The following DEFB121 variants were observed in gnomAD, a reference collection of about 807,000 sequenced individuals.
DEFB121 encodes beta-defensin 121.
A neutral mutation model predicts 2.5 loss-of-function variants in DEFB121; 5 were observed. The ratio of observed to expected loss-of-function variants is 1.96; its 90% CI spans 1.03 to 4.13. The LOEUF (loss-of-function observed/expected upper bound fraction) is 4.13. Ranked by LOEUF, DEFB121 falls within the 30% of genes most tolerant of loss-of-function variation. The pLI is 0.00. For synonymous variants in DEFB121, 39 were observed against 32.6 expected (o/e 1.20, Z -0.67); for missense variants, 87 against 85.0 (o/e 1.02, Z -0.09).
At chr20:31,417,988 C>T in the DEFB121 span, among the ~76,000 whole-genome samples, 3 of 150,504 alleles carry the variant, frequency 2.0e-5, no homozygotes, top group Non-Finnish European at 3.0e-5. Context: ...AGGCCGGGCG[C>T]GGTGGCTCAC....
upstream of DEFB121, among the ~76,000 whole-genome samples, chr20:31,406,635 A>G (rs1303699495): frequency 6.6e-6 from 1 of 152,178 alleles, no homozygotes; most frequent in African/African-American, 2.4e-5. Context: ...ATACCTTAAT[A>G]GCTCCATGGC....
In DEFB121 at chr20:31,405,080, T is replaced by C. The variant is rs756198944; in HGVS notation, c.64A>G (p.Lys22Glu). The C allele has an allele frequency of 1.3e-6, 2 of 1,593,446 alleles. No homozygotes were observed. Among genetic ancestry groups the C allele is most frequent in the Non-Finnish European group, 1.7e-6 (2 of 1,174,202 alleles). The part of the protein sequence containing the change: ...LLLAQVTPVM[K>E]CWGKSGRCRT... Reference sequence around the variant, plus strand: ...CACCTGCCTGACTTGCCCCAACATTTCATGACTGAAAACAAAAGGGAAGAA... The same window carrying C: ...CACCTGCCTGACTTGCCCCAACATTCCATGACTGAAAACAAAAGGGAAGAA... The change falls in exon 2 of 2, where the codon AAA becomes GAA. Residue 22 changes from lysine to glutamate, a missense_variant. Physicochemically the swap from Lys to Glu is moderately conservative, Grantham distance 56 (BLOSUM62 1). Transcript: ENST00000376314.
upstream of DEFB121, among the ~76,000 whole-genome samples, chr20:31,416,716 T>C (rs1425484015): frequency 6.6e-6 from 1 of 152,220 alleles, no homozygotes; most frequent in Non-Finnish European, 1.5e-5. Flanking sequence ...AGCCAGAATT[T>C]ACCTTTCTGT....
chr20:31,408,934 G>A (rs1978574741), upstream of DEFB121, among the ~76,000 whole-genome samples: 1 of 151,952 alleles, frequency 6.6e-6, no homozygotes, highest in South Asian at 2.1e-4. Context: ...GTTGAGGCAG[G>A]AGAATTGTTT....
At chr20:31,409,701 C>T (rs1353424646), upstream of DEFB121, among the ~76,000 whole-genome samples, 1 of 152,152 alleles carries the variant, frequency 6.6e-6, no homozygotes. Context: ...GAGCCAAGAT[C>T]ATGCCACTGC....
At chr20:31,410,822 ATG>A (rs1978639558), upstream of DEFB121, among the ~76,000 whole-genome samples, 6 of 100,344 alleles carry the variant, frequency 6.0e-5, no homozygotes, top group South Asian at 1.4e-3. Flanking sequence ...GCCTTGAAAA[ATG>A]AGAGAGAGAG....
At position 31,406,116 on chromosome 20, in the gene DEFB121, G is replaced by A. The variant is rs1381401263; in HGVS notation, c.37C>T (p.Leu13Phe). 6.2e-7 allele frequency: 1 copy of A among 1,614,050 alleles called. No individual in the cohort carries two copies. The highest frequency in any genetic ancestry group is 1.3e-5 in the African/African-American group (1 of 74,934). The change falls in exon 1 of 2, where the codon CTC becomes TTC. Residue 13 changes from leucine (L) to phenylalanine (F), a missense_variant. Transcript: ENST00000376314. ...LLLLLLTVTL[L>F]LAQVTPVMKC... ...TTACCTGGGGTGACCTGGGCCAGGA[G>A]CAGAGTAACAGTCAAAAGCAGAAGA... is the stretch of plus-strand genomic sequence containing the variant.
chr20:31,415,092 T>C (rs1486763026), upstream of DEFB121, among the ~76,000 whole-genome samples: 2 of 152,096 alleles, frequency 1.3e-5, no homozygotes. Flanking sequence ...ATGTTTAAAG[T>C]TTTAGAAATC....
Position 31,404,994 on chromosome 20 carries a change from G to A in DEFB121, c.150C>T (p.Cys50=). ...YYILCKTEAK[C]CVDPKYVPVK... ...CAGGTACATACTTGGGATCCACACA[G>A]CACTTAGCCTCAGTTTTGCATAATA... is the stretch of plus-strand genomic sequence containing the variant. The change falls in exon 2 of 2, where the codon TGC becomes TGT. Residue 50 remains cysteine, a synonymous_variant. Coordinates refer to ENST00000376314, the MANE Select transcript of DEFB121 (RefSeq NM_001011878.3). The A allele has an allele frequency of 1.9e-6, 3 of 1,613,940 alleles. No individual in the cohort carries two copies. Among genetic ancestry groups the A allele is most frequent in the Non-Finnish European group, 2.5e-6 (3 of 1,179,980 alleles).
At chr20:31,405,578 A>G (rs1447597813) in intron 1 of DEFB121, among the ~76,000 whole-genome samples, 1 of 152,200 alleles carries the variant, frequency 6.6e-6, no homozygotes, top group Non-Finnish European at 1.5e-5. Flanking sequence ...TGCCTTCTTC[A>G]CAACATCCTG....
chr20:31,413,242 G>A (rs921032940), upstream of DEFB121, among the ~76,000 whole-genome samples: 3 of 152,182 alleles, frequency 2.0e-5, no homozygotes, highest in Admixed American at 6.5e-5. Flanking sequence ...CATGCTTACC[G>A]CTTATTGAGG....
At chr20:31,412,621 C>A in intron 1 of DEFB121, 1 of 1,290,926 alleles carries the variant, frequency 7.7e-7, no homozygotes, top group South Asian at 1.2e-5. Flanking sequence ...TGAATCCTCA[C>A]CTTCCTTGAC....
chr20:31,409,822 A>T (rs910384448), upstream of DEFB121, among the ~76,000 whole-genome samples: 2 of 152,176 alleles, frequency 1.3e-5, no homozygotes, highest in Non-Finnish European at 2.9e-5. Flanking sequence ...CAGACCAAAG[A>T]AGAACATACT....
upstream of DEFB121, among the ~76,000 whole-genome samples, chr20:31,407,248 T>G (rs924970730): frequency 6.6e-6 from 1 of 152,114 alleles, no homozygotes; most frequent in Non-Finnish European, 1.5e-5. Context: ...AGACTCTGTC[T>G]CAAAAAAGAA....
the DEFB121 span, among the ~76,000 whole-genome samples, chr20:31,418,259 C>CAAAAAAAAAAAAAAAAAAAAAA: frequency 1.2e-5 from 1 of 82,922 alleles, no homozygotes; most frequent in Non-Finnish European, 2.5e-5. Context: ...GACTCCGTCT[C>CAAAAAAAAAAAAAAAAAAAAAA]AAAAAAAAAA....
At chr20:31,416,851 T>A (rs1978818989), upstream of DEFB121, among the ~76,000 whole-genome samples, 1 of 152,144 alleles carries the variant, frequency 6.6e-6, no homozygotes, top group Admixed American at 6.5e-5. Flanking sequence ...TTTCCTAGGC[T>A]TATTATCCCA....
chr20:31,410,590 T>C (rs947666267), upstream of DEFB121, among the ~76,000 whole-genome samples: 1 of 152,096 alleles, frequency 6.6e-6, no homozygotes, highest in Non-Finnish European at 1.5e-5. Context: ...TACATAACCC[T>C]CTGCAACAGA....
chr20:31,415,284 C>G (rs1191747303), upstream of DEFB121, among the ~76,000 whole-genome samples: 10 of 150,054 alleles, frequency 6.7e-5, no homozygotes, highest in Non-Finnish European at 2.9e-5. Flanking sequence ...GAGTCTCGCT[C>G]TATCCCCCAG....
chr20:31,411,202 G>A (rs1978653689), upstream of DEFB121, among the ~76,000 whole-genome samples: 1 of 152,162 alleles, frequency 6.6e-6, no homozygotes, highest in African/African-American at 2.4e-5. Context: ...TGCTTCGTGA[G>A]CTAAAAAGGA....
Sources: allele counts gnomAD v4.1 joint callset (sites outside exome capture counted in the v4.1 genomes callset), GRCh38; gene constraint gnomAD v4.1.1; transcripts MANE v1.5; gene names NCBI Gene and HGNC (gene_info 2026-07-23, HGNC 2026-07-21).